Variants in PIGZ observed in about 807,000 individuals in gnomAD.
PIGZ encodes the protein phosphatidylinositol glycan anchor biosynthesis class Z (Gwada blood group), also known as GPI alpha-1,2-mannosyltransferase 4.
PIGZ carries 16 observed loss-of-function variants against 16.4 expected under a neutral mutation model. The ratio of observed to expected loss-of-function variants is 0.97; its 90% CI spans 0.66 to 1.48. The LOEUF is 1.48. Among genes scored for constraint, PIGZ ranks in the 40% most tolerant of loss-of-function variants. The probability of loss-of-function intolerance (pLI) is 0.00; values close to 1 mark genes in which losing one functional copy is unlikely to be tolerated. For missense variants in PIGZ, 770 were observed against 739.2 expected, an observed-to-expected ratio of 1.04 and a Z score of -0.48; for synonymous variants, 409 against 338.4, an observed-to-expected ratio of 1.21 and a Z score of -2.29.
rs74554271 is a variant in PIGZ at position 196,951,967 on chromosome 3, G to A, written c.65C>T (p.Pro22Leu). ...CAGATCCAGTTGTTGCCAACACACC[G>A]GGCCCAAAACCTGGAATGATGTCCC... ...AAGTSFQVLG[P>L]VCWQQLDLKM... Residue 22 changes from proline to leucine, a missense_variant, in exon 2 of 3, where the codon CCG (proline) becomes CTG (leucine). Transcript: ENST00000412723. 2,268 of 1,614,098 alleles carry A rather than the reference G, an allele frequency of 1.4e-3. 24 individuals carry two copies. In the African/African-American group the frequency reaches 0.023, roughly 17 times the overall value.
chr3:196,957,925 A>C (rs1322806012), intron 1 of PIGZ, among the ~76,000 whole-genome samples: 1 of 152,188 alleles, frequency 6.6e-6, no homozygotes, highest in Non-Finnish European at 1.5e-5. Flanking sequence ...AAGGAGATAG[A>C]AATAGTGGAA....
intron 1 of PIGZ, among the ~76,000 whole-genome samples, chr3:196,954,251 C>G (rs1717396750): frequency 1.3e-5 from 2 of 152,160 alleles, no homozygotes; most frequent in African/African-American, 4.8e-5. Flanking sequence ...CACCACAGCA[C>G]CCTAGCCTGG....
At chr3:196,958,129 T>C (rs1422948529) in intron 1 of PIGZ, among the ~76,000 whole-genome samples, 1 of 152,256 alleles carries the variant, frequency 6.6e-6, no homozygotes, top group Non-Finnish European at 1.5e-5. Flanking sequence ...TTCTTCGGCT[T>C]ACATACTATT....
chr3:196,967,501 G>C (rs1009308559), intron 1 of PIGZ, among the ~76,000 whole-genome samples: 1 of 152,192 alleles, frequency 6.6e-6, no homozygotes, highest in African/African-American at 2.4e-5. Flanking sequence ...TTCGGGAAAA[G>C]CCGGGCCCCT....
chr3:196,948,600 G>C lies in PIGZ; in HGVS notation c.297C>G (p.Ile99Met), dbSNP rs963010951. The C allele has an allele frequency of 5.1e-6, 8 of 1,567,472 alleles. No individual in the cohort carries two copies. The highest frequency in any genetic ancestry group is 6.9e-6 in the Non-Finnish European group (8 of 1,158,810). ...TGAGCAGCCAGAAGGTGGAACCAGA[G>C]ATCAGCAGGGGGAAGAGCACCGAGC... is the stretch of plus-strand genomic sequence containing the variant. Reference protein sequence around the residue: ...SCRSVLFPLLISGSTFWLLRL... With the variant: ...SCRSVLFPLLMSGSTFWLLRL... Residue 99 changes from isoleucine to methionine, a missense_variant, in exon 3 of 3, where the codon ATC (isoleucine) becomes ATG (methionine). Physicochemically the swap from Ile to Met is conservative, Grantham distance 10. Coordinates refer to ENST00000412723, the MANE Select transcript of PIGZ (RefSeq NM_025163.4).
At chr3:196,968,540 G>T (rs550225972) in intron 1 of PIGZ, 147 bp downstream of exon 1, 2 of 152,402 alleles carry the variant, frequency 1.3e-5, no homozygotes, top group African/African-American at 4.8e-5. Flanking sequence ...AATGCGGGGG[G>T]CGGCCCCCAG....
At chr3:196,964,856 C>A (rs563484251) in intron 1 of PIGZ, among the ~76,000 whole-genome samples, 7 of 152,204 alleles carry the variant, frequency 4.6e-5, no homozygotes, top group Non-Finnish European at 1.0e-4. Context: ...CCCACCTCAG[C>A]CTCTATGAAC....
At chr3:196,951,331 C>T (rs944146620) in intron 2 of PIGZ, among the ~76,000 whole-genome samples, 7 of 152,278 alleles carry the variant, frequency 4.6e-5, no homozygotes, top group African/African-American at 2.4e-5. Flanking sequence ...GGCCTTTGGG[C>T]GAGACGGTAT....
At chr3:196,956,847 T>C (rs115665381) in intron 1 of PIGZ, among the ~76,000 whole-genome samples, 2,223 of 152,320 alleles carry the variant, frequency 0.015, 53 homozygotes, top group South Asian at 0.1. Flanking sequence ...TTCAAGACTC[T>C]CTTTTATTTA....
rs1457567055 is a variant in PIGZ at position 196,946,756 on chromosome 3, T to C, written c.*401A>G. 6.0e-6 allele frequency: 1 copy of C among 165,384 alleles called. No homozygotes were observed. The highest frequency in any genetic ancestry group is 2.4e-5 in the African/African-American group (1 of 41,818). 10.2% of individuals were successfully genotyped at this position (165,384 alleles called of 1,614,324 possible). On this transcript the variant is annotated 3_prime_UTR_variant, in exon 3 of 3. Coordinates refer to ENST00000412723, the MANE Select transcript of PIGZ (RefSeq NM_025163.4). ...TGGGTCTTAGGAAGCCAGAGGGTTGTCATGACAGCAAGGGTAAGGCATCAT... is the reference window on the plus strand; with the variant it reads ...TGGGTCTTAGGAAGCCAGAGGGTTGCCATGACAGCAAGGGTAAGGCATCAT...
chr3:196,955,432 T>A (rs773827712), intron 1 of PIGZ, among the ~76,000 whole-genome samples: 3 of 152,128 alleles, frequency 2.0e-5, no homozygotes, highest in African/African-American at 7.2e-5. Context: ...TATCTTATCA[T>A]TATATAGTAA....
intron 1 of PIGZ, among the ~76,000 whole-genome samples, chr3:196,955,721 G>T (rs1343589783): frequency 6.6e-6 from 1 of 151,580 alleles, no homozygotes; most frequent in Non-Finnish European, 1.5e-5. Context: ...TGGGACTATA[G>T]GTGCGCACCA....
intron 1 of PIGZ, among the ~76,000 whole-genome samples, chr3:196,955,768 G>A (rs1047376672): frequency 6.6e-5 from 10 of 151,464 alleles, no homozygotes; most frequent in East Asian, 3.9e-4. Context: ...TAGTAGAGAC[G>A]GGGTTTTGCC....
intron 1 of PIGZ, among the ~76,000 whole-genome samples, chr3:196,960,526 G>A (rs1019551768): frequency 6.6e-6 from 1 of 152,000 alleles, no homozygotes. Flanking sequence ...ACAAAAATTA[G>A]CTGGGCGTGG....
chr3:196,948,915 CTTCCCTTCCT>C (rs1717100532), intron 2 of PIGZ, among the ~76,000 whole-genome samples: 1 of 23,828 alleles, frequency 4.2e-5, no homozygotes, highest in Admixed American at 5.5e-4. Context: ...CCTCCCCTCC[CTTCCCTTCCT>C]TCCCTTTACT....
rs1337978400 is a variant in PIGZ at position 196,968,221 on chromosome 3, A to C, written c.-1+466T>G. On this transcript the variant is annotated intron_variant, in intron 1 of 2. Coordinates refer to ENST00000412723, the MANE Select transcript of PIGZ (RefSeq NM_025163.4). ...GTGCAGCCCCCGAGGCCGGGAGCCG[A>C]GATTCTTCTCGGCTTCGTGCTCAGA... Among the ~76,000 whole-genome samples, 5 of 152,044 alleles carry C rather than the reference A, an allele frequency of 3.3e-5. No homozygotes were observed. In the East Asian group the frequency reaches 9.7e-4, roughly 29 times the overall value.
intron 2 of PIGZ, among the ~76,000 whole-genome samples, chr3:196,949,355 G>A (rs565032186): frequency 1.7e-4 from 26 of 152,270 alleles, no homozygotes; most frequent in African/African-American, 5.8e-4. Flanking sequence ...TCACCAGCTG[G>A]ACGCAGAAGT....
intron 1 of PIGZ, among the ~76,000 whole-genome samples, chr3:196,967,328 C>T (rs1263902042): frequency 2.0e-5 from 3 of 152,138 alleles, no homozygotes; most frequent in East Asian, 1.9e-4. Flanking sequence ...GAGCGCCGTC[C>T]GGAGTGGCAG....
chr3:196,959,810 C>A (rs1717637447), intron 1 of PIGZ, among the ~76,000 whole-genome samples: 1 of 152,230 alleles, frequency 6.6e-6, no homozygotes, highest in South Asian at 2.1e-4. Flanking sequence ...CAGCAGGGAT[C>A]CTTCCACTAT....
Sources: allele counts gnomAD v4.1 joint callset (sites outside exome capture counted in the v4.1 genomes callset), GRCh38; gene constraint gnomAD v4.1.1; transcripts MANE v1.5; gene names NCBI Gene and HGNC (gene_info 2026-07-23, HGNC 2026-07-21).